The following SH3BP4 variants were observed in gnomAD, a reference collection of about 807,000 sequenced individuals.
The protein encoded by SH3BP4 is SH3 domain binding protein 4.
In SH3BP4, 33 loss-of-function variants were observed where a neutral mutation model predicts 65.5. That is an observed-to-expected ratio of 0.50 (90% CI 0.38 to 0.67). The LOEUF (loss-of-function observed/expected upper bound fraction) is 0.67, where lower values mean the gene tolerates loss of function less well. Among genes scored for constraint, SH3BP4 ranks in the 30% least tolerant of loss-of-function variants. The pLI is 0.00. For synonymous variants in SH3BP4, 552 were observed against 545.5 expected, an observed-to-expected ratio of 1.01 and a Z score of -0.17; for missense variants, 1,134 against 1,261.4, an observed-to-expected ratio of 0.90 and a Z score of 1.53.
intron 3 of SH3BP4, among the ~76,000 whole-genome samples, chr2:235,038,291 T>TATATTATATATA (rs1695471801): frequency 1.0e-4 from 2 of 19,306 alleles, no homozygotes; most frequent in South Asian, 2.7e-3. Context: ...TTATATATAA[T>TATATTATATATA]ATATATATTA....
chr2:234,953,838 G>T (rs962089456), intron 1 of SH3BP4, among the ~76,000 whole-genome samples: 3 of 151,952 alleles, frequency 2.0e-5, no homozygotes, highest in African/African-American at 7.3e-5. Flanking sequence ...CAGTGCCCTC[G>T]GGACTCGGCC....
In SH3BP4 at chr2:235,005,216, ATGTC is replaced by A. The variant is rs1005392917; in HGVS notation, c.-133+9861_-133+9864del. On this transcript the variant is annotated intron_variant, in intron 2 of 5. Coordinates refer to ENST00000392011, the MANE Select transcript of SH3BP4 (RefSeq NM_014521.3). ...TTCCTGGGCATGCCCTGTGCTGGCC[ATGTC>A]TGTCTGTCTGTCTGTCTGTCCCTCC... Among the ~76,000 whole-genome samples, 730 of 152,132 alleles carry A rather than the reference ATGTC, an allele frequency of 4.8e-3. 6 individuals carry two copies. The highest frequency in any genetic ancestry group is 0.017 in the African/African-American group (700 of 41,516).
At chr2:235,037,603 A>ATAAT (rs1695427364) in intron 3 of SH3BP4, among the ~76,000 whole-genome samples, 2 of 152,348 alleles carry the variant, frequency 1.3e-5, no homozygotes, top group South Asian at 4.1e-4. Flanking sequence ...CTGAGGGAGC[A>ATAAT]TAATAAGGAC....
At chr2:235,029,776 C>T (rs919260751) in intron 2 of SH3BP4, among the ~76,000 whole-genome samples, 1 of 152,202 alleles carries the variant, frequency 6.6e-6, no homozygotes, top group Non-Finnish European at 1.5e-5. Flanking sequence ...GGGTGCGGCA[C>T]TCGGGATGGG....
chr2:235,009,923 G>C (rs1195497044), intron 2 of SH3BP4, among the ~76,000 whole-genome samples: 2 of 152,030 alleles, frequency 1.3e-5, no homozygotes, highest in Non-Finnish European at 2.9e-5. Flanking sequence ...TCTTGCTCCT[G>C]GGAAAGTGTG....
intron 1 of SH3BP4, among the ~76,000 whole-genome samples, chr2:234,957,593 A>G (rs1479932985): frequency 6.6e-6 from 1 of 151,750 alleles, no homozygotes; most frequent in African/African-American, 2.4e-5. Context: ...TTCAAAACTC[A>G]GGCTGCATTT....
rs772865546 is a variant in SH3BP4, at chr2:235,035,016, G to T, written c.14G>T (p.Arg5Leu). 6.2e-7 allele frequency: 1 copy of T among 1,613,962 alleles called. No homozygotes were observed. Among genetic ancestry groups the T allele is most frequent in the Admixed American group, 1.7e-5 (1 of 60,028 alleles). The change falls in exon 3 of 6, where the codon CGG (arginine) becomes CTG (leucine). Residue 5 changes from arginine to leucine, a missense_variant. Physicochemically the swap from Arg to Leu is moderately radical, Grantham distance 102. Coordinates refer to ENST00000392011, the MANE Select transcript of SH3BP4 (RefSeq NM_014521.3). The surrounding 1 kb of genome is among the most constrained non-coding windows in gnomAD (Gnocchi z 5.0). MAAQ[R>L]IRAANSNGLP... is the part of the protein sequence containing the mutation. ...GCGAGTTTCGAGATGGCGGCTCAGC[G>T]GATCCGAGCGGCCAACTCCAATGGC...
chr2:234,961,168 C>A (rs761767420), intron 1 of SH3BP4, among the ~76,000 whole-genome samples: 3 of 152,192 alleles, frequency 2.0e-5, no homozygotes, highest in Non-Finnish European at 4.4e-5. Flanking sequence ...TGATGACCAT[C>A]GTACTTCGCT....
intron 2 of SH3BP4, among the ~76,000 whole-genome samples, chr2:235,004,677 G>A (rs914782438): frequency 1.6e-4 from 24 of 152,142 alleles, no homozygotes; most frequent in Non-Finnish European, 4.4e-5. Flanking sequence ...TGTTTCCAGG[G>A]TTCATCCACG....
intron 2 of SH3BP4, among the ~76,000 whole-genome samples, chr2:235,009,914 C>T (rs1197338696): frequency 1.3e-5 from 2 of 152,166 alleles, no homozygotes; most frequent in African/African-American, 4.8e-5. Context: ...GGACCTTCCT[C>T]TTGCTCCTGG....
intron 2 of SH3BP4, among the ~76,000 whole-genome samples, chr2:235,011,467 A>C (rs1350281017): frequency 6.6e-6 from 1 of 152,172 alleles, no homozygotes; most frequent in East Asian, 1.9e-4. Flanking sequence ...GTATTTCCAA[A>C]TATGGTAAAA....
At position 235,055,533 on chromosome 2, in the gene SH3BP4, C is replaced by T. The variant is rs1340741406; in HGVS notation, c.*1717C>T. Reference sequence around the variant, plus strand: ...CAAAGAAGAAACAAAACCAGTTGCACCTTAAACCATGGATATTTTTTCCTC... The same window carrying T: ...CAAAGAAGAAACAAAACCAGTTGCATCTTAAACCATGGATATTTTTTCCTC... On this transcript the variant is annotated 3_prime_UTR_variant, in exon 6 of 6. Transcript: ENST00000392011. The T allele has an allele frequency of 6.6e-6, 1 of 152,554 alleles. No homozygotes were observed. The highest frequency in any genetic ancestry group is 1.5e-5 in the Non-Finnish European group (1 of 68,036). The allele number at this position is 152,554 out of a possible 1,614,324, so 9.5% of individuals were successfully genotyped here.
chr2:235,033,048 C>T lies in SH3BP4; in HGVS notation c.-132-1823C>T, dbSNP rs1453681755. Among the ~76,000 whole-genome samples the T allele has an allele frequency of 2.6e-5, 4 of 152,142 alleles. No individual in the cohort carries two copies. The highest frequency in any genetic ancestry group is 4.4e-5 in the Non-Finnish European group (3 of 68,000). On this transcript the variant is annotated intron_variant, in intron 2 of 5. Transcript: ENST00000392011. This position sits in a 1 kb window ranked among gnomAD's most constrained non-coding sequence, Gnocchi z 5.7. ...TCCTTACACTGCTGGGTAGGAGAGA[C>T]GGCGGGGCTGGGCTCAGGTAGGTGT...
rs1693188501 is a variant in SH3BP4, at chr2:234,977,032, A to AC, written c.-206-18270dup. Among the ~76,000 whole-genome samples the AC allele has an allele frequency of 6.6e-6, 1 of 152,230 alleles. No individual in the cohort carries two copies. The highest frequency in any genetic ancestry group is 2.4e-5 in the African/African-American group (1 of 41,470). On this transcript the variant is annotated intron_variant, in intron 1 of 5. Coordinates refer to ENST00000392011, the MANE Select transcript of SH3BP4 (RefSeq NM_014521.3). The surrounding 1 kb of genome is among the most constrained non-coding windows in gnomAD (Gnocchi z 5.1). ...GGTGCCGTCCTCCTGTAAGACACTCACAGGGAAGCCGGGTGGCGGGAGGCC... is the reference window on the plus strand; with the variant it reads ...GGTGCCGTCCTCCTGTAAGACACTCACCAGGGAAGCCGGGTGGCGGGAGGCC...
Position 235,054,030 on chromosome 2 carries a change from C to G in SH3BP4, c.*214C>G. The stretch of plus-strand genomic sequence containing the variant: ...CTGCAGCTCGTTGCCAATCACATAG[C>G]TTTCTATTTGTTAAGTATAAATTTA... On this transcript the variant is annotated 3_prime_UTR_variant, in exon 6 of 6. Coordinates refer to ENST00000392011, the MANE Select transcript of SH3BP4 (RefSeq NM_014521.3). The G allele has an allele frequency of 2.0e-6, 1 of 509,232 alleles. No homozygotes were observed. The allele number at this position is 509,232 out of a possible 1,614,324, so 31.5% of individuals were successfully genotyped here. A position where few individuals can be genotyped will look rare whatever the true frequency, so the allele number is the denominator to read the frequency against.
chr2:234,964,930 A>T (rs577238550), intron 1 of SH3BP4, among the ~76,000 whole-genome samples: 1 of 152,106 alleles, frequency 6.6e-6, no homozygotes, highest in Non-Finnish European at 1.5e-5. Context: ...TGTGCACCAC[A>T]TCCTGTTCCA....
Position 235,041,727 on chromosome 2 carries a change from G to A in SH3BP4, c.958G>A (p.Val320Met), listed in dbSNP as rs764802082. ...GQTQAVETNIVCKLDSSGGAV... is the reference protein window; with the variant it reads ...GQTQAVETNIMCKLDSSGGAV... ...GACCCAAGCCGTGGAGACAAACATC[G>A]TGTGCAAGCTGGATAGCTCCGGGGG... The change falls in exon 4 of 6, where the codon GTG (valine) becomes ATG (methionine). Residue 320 changes from valine to methionine, a missense_variant. Coordinates refer to ENST00000392011, the MANE Select transcript of SH3BP4 (RefSeq NM_014521.3). This position sits in a 1 kb window ranked among gnomAD's most constrained non-coding sequence, Gnocchi z 6.0. The A allele has an allele frequency of 1.3e-4, 208 of 1,611,388 alleles. No individual in the cohort carries two copies. The highest frequency in any genetic ancestry group is 1.8e-4 in the Admixed American group (11 of 59,936).
rs1451142670 is a variant in SH3BP4, at chr2:235,026,618, G to A, written c.-132-8253G>A. ...TGCTAGAGCCTGGCACTCCGTAGAT[G>A]TTCACTAAGGTGACCTCTGTGCGTA... On this transcript the variant is annotated intron_variant, in intron 2 of 5. Transcript: ENST00000392011. The surrounding 1 kb of genome is among the most constrained non-coding windows in gnomAD (Gnocchi z 4.6). Among the ~76,000 whole-genome samples, 2 of 152,224 alleles carry A rather than the reference G, an allele frequency of 1.3e-5. No individual in the cohort carries two copies. The highest frequency in any genetic ancestry group is 4.8e-5 in the African/African-American group (2 of 41,462).
At chr2:234,996,897 G>A (rs1248233514) in intron 2 of SH3BP4, among the ~76,000 whole-genome samples, 1 of 152,164 alleles carries the variant, frequency 6.6e-6, no homozygotes, top group African/African-American at 2.4e-5. Context: ...GGTCCCTCTC[G>A]GGCTCCAGCA....
Sources: allele counts gnomAD v4.1 joint callset (sites outside exome capture counted in the v4.1 genomes callset), GRCh38; gene constraint gnomAD v4.1.1; non-coding constraint Gnocchi (gnomAD v3.1); transcripts MANE v1.5; gene names NCBI Gene and HGNC (gene_info 2026-07-23, HGNC 2026-07-21).